Variants in PLIN1 observed in about 807,000 individuals in gnomAD.
PLIN1 encodes the protein perilipin 1, also known as perilipin-1.
A neutral mutation model predicts 45.8 loss-of-function variants in PLIN1; 37 were observed. The observed-to-expected ratio is 0.81, with a 90% confidence interval of 0.62 to 1.06. The LOEUF is 1.06. PLIN1 is among the 50% of genes least tolerant of loss of function. The probability of loss-of-function intolerance (pLI) is 0.00; values close to 1 mark genes in which losing one functional copy is unlikely to be tolerated. For synonymous variants in PLIN1, 340 were observed against 309.2 expected (o/e 1.10, Z -1.05); for missense variants, 776 against 716.5 (o/e 1.08, Z -0.95).
intron 3 of PLIN1, 151 bp downstream of exon 3, chr15:89,673,059 C>T (rs1178826165): frequency 1.5e-6 from 1 of 686,882 alleles, no homozygotes. Flanking sequence ...CCTTTATAGC[C>T]ATAGATAAGA....
Position 89,673,276 on chromosome 15 carries a change from CGCCCTTCTCATAG to C in PLIN1, c.171_183del (p.Tyr58CysfsTer55). On this transcript the variant is annotated frameshift_variant, in exon 3 of 9. Transcript: ENST00000300055. LOFTEE classifies it high-confidence loss of function. ...GCAGCCAAGCTACTGGCGCTCTGCA[CGCCCTTCTCATAG>C]GCATTGCACACAGAGGCCACCAGGG... The C allele has an allele frequency of 6.3e-7, 1 of 1,581,788 alleles. No homozygotes were observed. Among genetic ancestry groups the C allele is most frequent in the Non-Finnish European group, 8.6e-7 (1 of 1,162,620 alleles).
chr15:89,673,300 C>T lies in PLIN1; in HGVS notation c.160G>A (p.Val54Met), dbSNP rs765560394. ...TKEAHPLVAS[V>M]CNAYEKGVQS... The stretch of plus-strand genomic sequence containing the variant: ...ACGCCCTTCTCATAGGCATTGCACA[C>T]AGAGGCCACCAGGGGGTGGGCTTCC... The change falls in exon 3 of 9, where the codon GTG (valine) becomes ATG (methionine). Residue 54 changes from valine (V) to methionine (M), a missense_variant. Val to Met is a conservative substitution (Grantham distance 21). Transcript: ENST00000300055. The T allele has an allele frequency of 1.3e-6, 2 of 1,587,058 alleles. No individual in the cohort carries two copies. Among genetic ancestry groups the T allele is most frequent in the South Asian group, 2.3e-5 (2 of 87,042 alleles).
At position 89,665,713 on chromosome 15, in the gene PLIN1, G is replaced by A. The variant is rs1454633489; in HGVS notation, c.1439C>T (p.Pro480Leu). The A allele has an allele frequency of 3.4e-6, 5 of 1,463,766 alleles. No homozygotes were observed. Among genetic ancestry groups the A allele is most frequent in the African/African-American group, 1.5e-5 (1 of 68,082 alleles). 90.7% of individuals were successfully genotyped at this position (1,463,766 alleles called of 1,614,324 possible). A position where few individuals can be genotyped will look rare whatever the true frequency, so the allele number is the denominator to read the frequency against. The change falls in exon 9 of 9, where the codon CCG becomes CTG. Residue 480 changes from proline (P) to leucine (L), a missense_variant. Pro to Leu is a moderately conservative substitution (Grantham distance 98). Transcript: ENST00000300055. ...GGGCACGGCCGGGAAGCCCGGGCGC[G>A]GCGCTGCGGGCGTGGCGACTTCGTC... ...LEDEVATPAA[P>L]RPGFPAVPRE... is the part of the protein sequence containing the mutation.
intron 2 of PLIN1, among the ~76,000 whole-genome samples, chr15:89,674,630 A>C (rs1178353864): frequency 6.6e-6 from 1 of 152,000 alleles, no homozygotes; most frequent in Non-Finnish European, 1.5e-5. Flanking sequence ...GCTGAGCTGA[A>C]ATTTGCCTCC....
intron 2 of PLIN1, 191 bp downstream of exon 2, chr15:89,677,254 T>G: frequency 1.6e-6 from 1 of 640,792 alleles, no homozygotes; most frequent in Non-Finnish European, 2.8e-6. Flanking sequence ...CATCTTTTTT[T>G]CCCCTCCCAG....
rs1680893197 is a variant in PLIN1, at chr15:89,665,068, G to GAT, written c.*514_*515insAT. The GAT allele has an allele frequency of 2.6e-6, 1 of 385,936 alleles. No homozygotes were observed. The highest frequency in any genetic ancestry group is 5.2e-6 in the Non-Finnish European group (1 of 193,866). The allele number at this position is 385,936 out of a possible 1,614,324, so 23.9% of individuals were successfully genotyped here. A position where few individuals can be genotyped will look rare whatever the true frequency, so the allele number is the denominator to read the frequency against. Reference sequence around the variant, plus strand: ...CTGATTGTTCCCTTCAAAGTAGCCTGCTGGGAGCCTAGATCATCAGAGGAT... The same window carrying GAT: ...CTGATTGTTCCCTTCAAAGTAGCCTGATCTGGGAGCCTAGATCATCAGAGGAT... On this transcript the variant is annotated 3_prime_UTR_variant, in exon 9 of 9. Transcript: ENST00000300055.
Position 89,670,213 on chromosome 15 carries a change from G to A in PLIN1, c.365C>T (p.Thr122Ile), listed in dbSNP as rs1177314496. ...IASELKDTIS[T>I]RLRSARNSIS... Reference sequence around the variant, plus strand: ...GCTGTTTCTGGCACTGCGGAGGCGGGTGGAGATGGTGTCCTTCAGCTCAGA... The same window carrying A: ...GCTGTTTCTGGCACTGCGGAGGCGGATGGAGATGGTGTCCTTCAGCTCAGA... The change falls in exon 5 of 9, where the codon ACC (threonine) becomes ATC (isoleucine). Residue 122 changes from threonine (T) to isoleucine (I), a missense_variant. Physicochemically the swap from Thr to Ile is moderately conservative, Grantham distance 89. Coordinates refer to ENST00000300055, the MANE Select transcript of PLIN1 (RefSeq NM_002666.5). The A allele has an allele frequency of 2.5e-6, 4 of 1,613,474 alleles. No individual in the cohort carries two copies. Among genetic ancestry groups the A allele is most frequent in the Middle Eastern group, 1.6e-4 (1 of 6,062 alleles).
At chr15:89,669,751 G>T in intron 5 of PLIN1, 79 bp from the exon 6 acceptor site, 3 of 1,249,970 alleles carry the variant, frequency 2.4e-6, no homozygotes, top group Non-Finnish European at 3.3e-6. Flanking sequence ...TCTAGGACTG[G>T]AAAGTAGGTG....
chr15:89,675,444 A>AAAAAAAAAAAAAC (rs1567080451), intron 2 of PLIN1, among the ~76,000 whole-genome samples: 3 of 138,486 alleles, frequency 2.2e-5, no homozygotes, highest in African/African-American at 5.3e-5. Context: ...AAAAAAAAAA[A>AAAAAAAAAAAAAC]AAAGCTGGCC....
In PLIN1 at chr15:89,667,109, T is replaced by C. The variant is rs750268596; in HGVS notation, c.1036A>G (p.Thr346Ala). ...AHTLQKTLQT[T>A]ISAVTWAPAA... ...GGTGCCCATGTCACAGCCGAGATGG[T>C]GGTCTGGAGGGTCTTCTGCAGGGTA... Residue 346 changes from threonine to alanine, a missense_variant, in exon 8 of 9, where the codon ACC (threonine) becomes GCC (alanine). Coordinates refer to ENST00000300055, the MANE Select transcript of PLIN1 (RefSeq NM_002666.5). 1 of 1,613,998 alleles carries C rather than the reference T, an allele frequency of 6.2e-7. No individual in the cohort carries two copies. The highest frequency in any genetic ancestry group is 1.1e-5 in the South Asian group (1 of 91,072).
chr15:89,673,608 G>GC (rs1411703466), intron 2 of PLIN1, among the ~76,000 whole-genome samples, 194 bp from the exon 3 acceptor site: 1 of 152,160 alleles, frequency 6.6e-6, no homozygotes, highest in East Asian at 1.9e-4. Flanking sequence ...ACAAGAGTCA[G>GC]CCGGCCATGT....
chr15:89,671,376 T>C (rs1964436821), intron 4 of PLIN1, 106 bp downstream of exon 4: 2 of 824,366 alleles, frequency 2.4e-6, no homozygotes, highest in African/African-American at 1.7e-5. Context: ...GTGCTCACCA[T>C]GGGACACAGA....
intron 2 of PLIN1, among the ~76,000 whole-genome samples, chr15:89,674,161 G>A (rs1220437224): frequency 6.6e-6 from 1 of 152,256 alleles, no homozygotes; most frequent in African/African-American, 2.4e-5. Context: ...TGTAGGTTTA[G>A]ATCTGCCCAA....
Position 89,667,718 on chromosome 15 carries a change from AGGGTACCCGCACTTCGCTCCTCCGCC to A in PLIN1, c.821_846del (p.Arg274LeufsTer14), listed in dbSNP as rs1256974145. On this transcript the variant is annotated frameshift_variant, in exon 7 of 9. Coordinates refer to ENST00000300055, the MANE Select transcript of PLIN1 (RefSeq NM_002666.5). LOFTEE classifies it high-confidence loss of function. ...TGGGCGGCTGCGAGGCTGTGCAGCC[AGGGTACCCGCACTTCGCTCCTCCGCC>A]GGGACACCGCCTGCATGGCCACTGA... 1 of 1,579,060 alleles carries A rather than the reference AGGGTACCCGCACTTCGCTCCTCCGCC, an allele frequency of 6.3e-7. No homozygotes were observed. The highest frequency in any genetic ancestry group is 8.6e-7 in the Non-Finnish European group (1 of 1,162,462).
chr15:89,677,089 A>G (rs537267601), intron 2 of PLIN1: 15 of 359,502 alleles, frequency 4.2e-5, no homozygotes, highest in Non-Finnish European at 8.0e-5. Flanking sequence ...CACAGAATAC[A>G]GTGGCTCTGC....
chr15:89,676,052 G>GA (rs8179059), intron 2 of PLIN1, among the ~76,000 whole-genome samples: 111,068 of 150,296 alleles, frequency 0.74, 41,159 homozygotes, highest in African/African-American at 0.8. Context: ...AAAGTAAAAA[G>GA]AAAAAAAAAC....
Position 89,665,828 on chromosome 15 carries a change from C to A in PLIN1, c.1324G>T (p.Gly442Cys). Residue 442 changes from glycine to cysteine, a missense_variant, in exon 9 of 9, where the codon GGC (glycine) becomes TGC (cysteine). By Grantham distance (159) the Gly-to-Cys change is radical. Transcript: ENST00000300055. The stretch of plus-strand genomic sequence containing the variant: ...GCGAGACGCGGGGCGGGCTCCGGGC[C>A]GGCGGACGGCGCCCCAGACGCTCTG... Reference protein sequence around the residue: ...ERRASGAPSAGPEPAPRLAQP... With the variant: ...ERRASGAPSACPEPAPRLAQP... 1 of 1,416,952 alleles carries A rather than the reference C, an allele frequency of 7.1e-7. No homozygotes were observed. The highest frequency in any genetic ancestry group is 2.6e-5 in the Admixed American group (1 of 39,120). 87.8% of individuals were successfully genotyped at this position (1,416,952 alleles called of 1,614,324 possible). A position where few individuals can be genotyped will look rare whatever the true frequency, so the allele number is the denominator to read the frequency against.
rs574671413 is a variant in PLIN1 at position 89,666,784 on chromosome 15, A to G, written c.1209+152T>C. 6.0e-6 allele frequency: 5 copies of G among 840,142 alleles called. No homozygotes were observed. In the Admixed American group the frequency reaches 6.1e-5, roughly 10 times the overall value. 52.0% of individuals were successfully genotyped at this position (840,142 alleles called of 1,614,324 possible). A position where few individuals can be genotyped will look rare whatever the true frequency, so the allele number is the denominator to read the frequency against. The stretch of plus-strand genomic sequence containing the variant: ...GCTGGGAGAGGCCCAGTATGTTAAA[A>G]TGTTGCCAGGGCACTGAGGACTGGA... On this transcript the variant is annotated intron_variant, in intron 8 of 8. Coordinates refer to ENST00000300055, the MANE Select transcript of PLIN1 (RefSeq NM_002666.5).
At chr15:89,674,047 C>G (rs1452327424) in intron 2 of PLIN1, among the ~76,000 whole-genome samples, 1 of 152,186 alleles carries the variant, frequency 6.6e-6, no homozygotes, top group Non-Finnish European at 1.5e-5. Context: ...TCATCTCACT[C>G]CCCGTAGACT....
Sources: gnomAD v4.1 joint callset for allele counts (sites outside exome capture counted in the v4.1 genomes callset) on GRCh38, gnomAD v4.1.1 for gene constraint, MANE v1.5 for transcripts, NCBI Gene and HGNC (gene_info 2026-07-23, HGNC 2026-07-21) for gene names.